GTF3C1: variants seen among roughly 807,000 people sequenced by gnomAD.
GTF3C1 encodes the protein general transcription factor 3C polypeptide 1.
A neutral mutation model predicts 226.7 loss-of-function variants in GTF3C1; 57 were observed. The observed-to-expected ratio is 0.25, with a 90% CI of 0.20 to 0.31. The LOEUF is 0.31. Ranked by LOEUF, GTF3C1 falls within the 10% of genes least tolerant of loss-of-function variation. GTF3C1 has a pLI of 1.00. For missense variants in GTF3C1, 2,217 were observed against 2,776.1 expected (o/e 0.80, Z 4.53); for synonymous variants, 1,090 against 1,084.8 (o/e 1.00, Z -0.09).
intron 16 of GTF3C1, 118 bp downstream of exon 16, chr16:27,494,645 A>G: frequency 1.5e-6 from 1 of 687,050 alleles, no homozygotes; most frequent in Non-Finnish European, 2.6e-6. Flanking sequence ...CTATCCACCA[A>G]TCCATTCATC....
intron 4 of GTF3C1, among the ~76,000 whole-genome samples, chr16:27,535,570 C>CA (rs1441163840): frequency 2.0e-4 from 24 of 119,294 alleles, no homozygotes; most frequent in African/African-American, 3.9e-4. Flanking sequence ...ATGAGACTGT[C>CA]AAATAAAAAA....
chr16:27,503,893 C>T (rs149220432), intron 10 of GTF3C1, among the ~76,000 whole-genome samples: 8 of 152,266 alleles, frequency 5.3e-5, no homozygotes, highest in African/African-American at 1.9e-4. Flanking sequence ...GGAGGTCACT[C>T]GGTGATGGTG....
intron 7 of GTF3C1, among the ~76,000 whole-genome samples, chr16:27,510,853 G>A (rs913069280): frequency 2.0e-5 from 3 of 152,172 alleles, no homozygotes; most frequent in African/African-American, 4.8e-5. Flanking sequence ...CATAAATTCC[G>A]GGCCTGTGGT....
At chr16:27,506,795 G>A (rs2088491854) in intron 9 of GTF3C1, 52 bp downstream of exon 9, 2 of 1,363,056 alleles carry the variant, frequency 1.5e-6, no homozygotes, top group Middle Eastern at 2.7e-4. Context: ...TTTCTTGCAG[G>A]TGCCCAGCAG....
intron 2 of GTF3C1, among the ~76,000 whole-genome samples, chr16:27,543,293 G>A (rs1002079894): frequency 3.9e-5 from 6 of 152,206 alleles, no homozygotes; most frequent in African/African-American, 1.4e-4. Flanking sequence ...GGCTGAGGCA[G>A]GAGAATCGCT....
chr16:27,528,312 C>G (rs1276899486), intron 6 of GTF3C1, among the ~76,000 whole-genome samples: 1 of 152,000 alleles, frequency 6.6e-6, no homozygotes, highest in Non-Finnish European at 1.5e-5. Flanking sequence ...ACTAGAGTGG[C>G]TTAATATAAG....
Position 27,545,348 on chromosome 16 carries a change from G to C in GTF3C1, c.397C>G (p.Gln133Glu). 6.2e-7 allele frequency: 1 copy of C among 1,613,696 alleles called. No homozygotes were observed. Among genetic ancestry groups the C allele is most frequent in the Non-Finnish European group, 8.5e-7 (1 of 1,179,554 alleles). The change falls in exon 2 of 37, where the codon CAG (glutamine) becomes GAG (glutamate). Residue 133 changes from glutamine to glutamate, a missense_variant. Physicochemically the swap from Gln to Glu is conservative, Grantham distance 29 (BLOSUM62 2). Around this residue, in one of 12 missense-constraint regions of GTF3C1, gnomAD observed 192 missense variants for 251.8 expected, o/e 0.76. Transcript: ENST00000356183. Reference protein sequence around the residue: ...ITNDIRTKSLQPRCTMVEAFD... With the variant: ...ITNDIRTKSLEPRCTMVEAFD... ...GCTTCCACCATTGTACAGCGAGGCT[G>C]CAAGGACTTGGTTCTGATGTCATTG...
intron 6 of GTF3C1, among the ~76,000 whole-genome samples, chr16:27,514,228 G>A (rs1360227863): frequency 6.6e-6 from 1 of 152,238 alleles, no homozygotes; most frequent in Non-Finnish European, 1.5e-5. Flanking sequence ...GCGCAAGCCT[G>A]AAGACTCTGC....
Position 27,471,391 on chromosome 16 carries a change from G to A in GTF3C1, c.4526+357C>T, listed in dbSNP as rs1168638970. Among the ~76,000 whole-genome samples the A allele has an allele frequency of 2.0e-5, 3 of 152,228 alleles. No individual in the cohort carries two copies. The highest frequency in any genetic ancestry group is 7.2e-5 in the African/African-American group (3 of 41,456). The stretch of plus-strand genomic sequence containing the variant: ...GCGAATGGGCCCAGGAGGCTTCCCA[G>A]GTCTCAGGGCTACGCGGAAGAGGGA... On this transcript the variant is annotated intron_variant, in intron 30 of 36. Transcript: ENST00000356183. The surrounding 1 kb of genome is among the most constrained non-coding windows in gnomAD (Gnocchi z 5.0).
chr16:27,494,135 C>T (rs2088275040), intron 16 of GTF3C1, among the ~76,000 whole-genome samples: 1 of 152,138 alleles, frequency 6.6e-6, no homozygotes, highest in African/African-American at 2.4e-5. Flanking sequence ...GGTGCAATGG[C>T]TCACGCCTGT....
rs1158732929 is a variant in GTF3C1 at position 27,486,171 on chromosome 16, G to C, written c.3701-17C>G. The C allele has an allele frequency of 2.0e-6, 3 of 1,523,394 alleles. No individual in the cohort carries two copies. Among genetic ancestry groups the C allele is most frequent in the Admixed American group, 1.7e-5 (1 of 57,766 alleles). The allele number at this position is 1,523,394 out of a possible 1,614,324, so 94.4% of individuals were successfully genotyped here. A position where few individuals can be genotyped will look rare whatever the true frequency, so the allele number is the denominator to read the frequency against. On this transcript the variant is annotated splice_polypyrimidine_tract_variant and intron_variant, in intron 23 of 36. Coordinates refer to ENST00000356183, the MANE Select transcript of GTF3C1 (RefSeq NM_001520.4). ...GGAACTCTCCTAAAAACACCAGAGGGAGAAGGCAGGAGACCTCTAACACCT... is the reference window on the plus strand; with the variant it reads ...GGAACTCTCCTAAAAACACCAGAGGCAGAAGGCAGGAGACCTCTAACACCT...
chr16:27,465,155 C>T (rs1388811280), intron 33 of GTF3C1, 105 bp downstream of exon 33: 11 of 1,024,614 alleles, frequency 1.1e-5, no homozygotes, highest in South Asian at 4.3e-5. Context: ...TTAAAAAGAA[C>T]GCAGCATGCT....
chr16:27,469,288 C>A lies in GTF3C1; in HGVS notation c.5074+3G>T. The A allele has an allele frequency of 6.4e-7, 1 of 1,554,156 alleles. No individual in the cohort carries two copies. Among genetic ancestry groups the A allele is most frequent in the South Asian group, 1.2e-5 (1 of 84,306 alleles). On this transcript the variant is annotated splice_donor_region_variant and intron_variant, in intron 32 of 36. Coordinates refer to ENST00000356183, the MANE Select transcript of GTF3C1 (RefSeq NM_001520.4). The surrounding 1 kb of genome is among the most constrained non-coding windows in gnomAD (Gnocchi z 4.5). ...CTCCCACAGCACCAGCAGGAGCACT[C>A]ACCAGCGGGCCTGAGCCGGGCGGGC...
chr16:27,478,360 A>C (rs1198262748), intron 28 of GTF3C1, 109 bp downstream of exon 28: 7 of 788,548 alleles, frequency 8.9e-6, no homozygotes, highest in Non-Finnish European at 1.6e-5. Flanking sequence ...TTGTTCACAC[A>C]AACAGGTAGT....
Position 27,461,227 on chromosome 16 carries a change from A to AC in GTF3C1, c.*122dup. The AC allele has an allele frequency of 1.6e-6, 1 of 643,454 alleles. No individual in the cohort carries two copies. Among genetic ancestry groups the AC allele is most frequent in the South Asian group, 1.9e-5 (1 of 53,086 alleles). The allele number at this position is 643,454 out of a possible 1,614,324, so 39.9% of individuals were successfully genotyped here. On this transcript the variant is annotated 3_prime_UTR_variant, in exon 37 of 37. Coordinates refer to ENST00000356183, the MANE Select transcript of GTF3C1 (RefSeq NM_001520.4). This position sits in a 1 kb window ranked among gnomAD's most constrained non-coding sequence, Gnocchi z 5.3. ...GTCAGTCTGTGACTCTGGCCAAAGC[A>AC]CCCGTCCCCTGCTGCAGGAGGCTCG...
intron 29 of GTF3C1, among the ~76,000 whole-genome samples, chr16:27,474,669 C>T (rs1383143214): frequency 6.6e-6 from 1 of 152,162 alleles, no homozygotes. Flanking sequence ...TCACCCAATA[C>T]TATTTATTCT....
At chr16:27,494,661 A>G in intron 16 of GTF3C1, 102 bp downstream of exon 16, 1 of 779,094 alleles carries the variant, frequency 1.3e-6, no homozygotes, top group East Asian at 2.5e-5. Context: ...TCATCTGGGC[A>G]ACACCGGGTC....
Position 27,464,479 on chromosome 16 carries a change from C to A in GTF3C1, c.5713G>T (p.Ala1905Ser), listed in dbSNP as rs768612837. Residue 1905 changes from alanine (A) to serine (S), a missense_variant, in exon 34 of 37, where the codon GCA becomes TCA. Around this residue, in one of 12 missense-constraint regions of GTF3C1, gnomAD observed 455 missense variants for 441.9 expected, o/e 1.03. Transcript: ENST00000356183. Reference sequence around the variant, plus strand: ...GGTGGAGATGGGGCCTGGGCTTCTGCCCCATCTTCAGCTCCGGGCCCAAGG... The same window carrying A: ...GGTGGAGATGGGGCCTGGGCTTCTGACCCATCTTCAGCTCCGGGCCCAAGG... ...PSLGPGAEDG[A>S]EAQAPSPPPA... is the part of the protein sequence containing the mutation. 2 of 1,559,272 alleles carry A rather than the reference C, an allele frequency of 1.3e-6. No individual in the cohort carries two copies. The highest frequency in any genetic ancestry group is 2.4e-5 in the South Asian group (2 of 81,876).
intron 9 of GTF3C1, 142 bp downstream of exon 9, chr16:27,506,705 G>A: frequency 3.3e-6 from 2 of 598,918 alleles, no homozygotes; most frequent in Admixed American, 3.1e-5. Flanking sequence ...CCATGATGAT[G>A]TGGTACAAGT....
Sources: gnomAD v4.1 joint callset for allele counts (sites outside exome capture counted in the v4.1 genomes callset) on GRCh38, gnomAD v4.1.1 for gene constraint, gnomAD v4.1.1 regional missense constraint, Gnocchi (gnomAD v3.1) non-coding constraint, MANE v1.5 for transcripts, NCBI Gene and HGNC (gene_info 2026-07-23, HGNC 2026-07-21) for gene names.